The following LRRCC1 variants were observed in gnomAD, a reference collection of about 807,000 sequenced individuals.
LRRCC1 encodes leucine-rich repeat and coiled-coil domain-containing protein 1.
A neutral mutation model predicts 126.0 loss-of-function variants in LRRCC1; 115 were observed. That is an observed-to-expected ratio of 0.91 (90% CI 0.78 to 1.07). The LOEUF (loss-of-function observed/expected upper bound fraction) is 1.07. LRRCC1 is among the 50% of genes least tolerant of loss of function. The pLI is 0.00. For synonymous variants in LRRCC1, 400 were observed against 393.4 expected (o/e 1.02, Z -0.20); for missense variants, 1,172 against 1,175.7 (o/e 1.00, Z 0.05).
intron 18 of LRRCC1, among the ~76,000 whole-genome samples, chr8:85,143,060 C>T (rs1811372144): frequency 6.6e-6 from 1 of 152,062 alleles, no homozygotes; most frequent in Admixed American, 6.5e-5. Flanking sequence ...TGCAGTGTCT[C>T]ATGCCTGTAA....
chr8:85,142,316 G>A (rs1404975720), intron 18 of LRRCC1, among the ~76,000 whole-genome samples: 1 of 151,956 alleles, frequency 6.6e-6, no homozygotes, highest in East Asian at 1.9e-4. Context: ...CCATATTCAT[G>A]AACTTCCCCT....
At chr8:85,135,218 T>G (rs1810766632) in intron 13 of LRRCC1, among the ~76,000 whole-genome samples, 186 bp downstream of exon 13, 1 of 152,186 alleles carries the variant, frequency 6.6e-6, no homozygotes, top group Non-Finnish European at 1.5e-5. Flanking sequence ...GCTCATGAGA[T>G]AGCAATTAGG....
intron 13 of LRRCC1, 102 bp from the exon 14 acceptor site, chr8:85,135,687 T>G: frequency 1.4e-6 from 1 of 735,628 alleles, no homozygotes; most frequent in Non-Finnish European, 1.9e-6. Flanking sequence ...AATATTTACT[T>G]GTATTTGCTT....
chr8:85,139,013 T>TCCATGC (rs1811066372), intron 17 of LRRCC1, among the ~76,000 whole-genome samples: 4 of 151,536 alleles, frequency 2.6e-5, no homozygotes, highest in Non-Finnish European at 5.9e-5. Flanking sequence ...ACCATTGCAC[T>TCCATGC]CCAGCCTGGG....
Position 85,138,050 on chromosome 8 carries a change from G to C in LRRCC1, c.2509G>C (p.Asp837His). 4.5e-6 allele frequency: 7 copies of C among 1,561,394 alleles called. No homozygotes were observed. Among genetic ancestry groups the C allele is most frequent in the Non-Finnish European group, 6.1e-6 (7 of 1,154,200 alleles). ...TTTCTTAAAGTGTTTACAAGAAAAA[G>C]ATGAACACATCAAAAGATTACAAGA... is the stretch of plus-strand genomic sequence containing the variant. ...RKLKDCLQEK[D>H]EHIKRLQEKI... is the part of the protein sequence containing the mutation. The change falls in exon 16 of 19, where the codon GAT (aspartate) becomes CAT (histidine). Residue 837 changes from aspartate (D) to histidine (H), a missense_variant. Transcript: ENST00000360375.
intron 8 of LRRCC1, among the ~76,000 whole-genome samples, chr8:85,126,143 T>C (rs1439409285): frequency 6.6e-6 from 1 of 152,150 alleles, no homozygotes; most frequent in African/African-American, 2.4e-5. Context: ...GCTATGAGTA[T>C]ATACTATTTC....
intron 17 of LRRCC1, among the ~76,000 whole-genome samples, chr8:85,140,015 A>G (rs573716582): frequency 6.6e-6 from 1 of 152,174 alleles, no homozygotes; most frequent in African/African-American, 2.4e-5. Flanking sequence ...GCAATTTTTT[A>G]TCCTGCCAGT....
chr8:85,113,566 ATGTG>A (rs549238575), intron 4 of LRRCC1, among the ~76,000 whole-genome samples: 1 of 151,914 alleles, frequency 6.6e-6, no homozygotes, highest in South Asian at 2.1e-4. Flanking sequence ...GTATGCACGC[ATGTG>A]TGTGTGTGCT....
chr8:85,144,440 G>GTATATA (rs1280182264), intron 18 of LRRCC1, among the ~76,000 whole-genome samples: 16 of 37,226 alleles, frequency 4.3e-4, no homozygotes, highest in African/African-American at 1.3e-3. Context: ...GTGTGTGTGT[G>GTATATA]TGTGTATATA....
intron 9 of LRRCC1, among the ~76,000 whole-genome samples, chr8:85,127,216 G>T (rs985985569): frequency 1.3e-4 from 20 of 151,992 alleles, no homozygotes; most frequent in Non-Finnish European, 2.8e-4. Context: ...TCTGCAATGG[G>T]CTTTTGTATC....
At chr8:85,140,937 C>T (rs1275017811) in intron 17 of LRRCC1, among the ~76,000 whole-genome samples, 1 of 151,994 alleles carries the variant, frequency 6.6e-6, no homozygotes, top group Non-Finnish European at 1.5e-5. Flanking sequence ...TGGTGGTGCA[C>T]ATCCTGTAAT....
At chr8:85,125,460 T>C in intron 8 of LRRCC1, among the ~76,000 whole-genome samples, 1 of 150,530 alleles carries the variant, frequency 6.6e-6, no homozygotes, top group Admixed American at 6.6e-5. Flanking sequence ...GATCACGAGG[T>C]CAGGAGATCG....
chr8:85,109,741 A>G lies in LRRCC1; in HGVS notation c.251A>G (p.Asn84Ser). The change falls in exon 2 of 19, where the codon AAC (asparagine) becomes AGC (serine). Residue 84 changes from asparagine (N) to serine (S), a missense_variant. Transcript: ENST00000360375. Reference protein sequence around the residue: ...SNQISRIEGLNTLTKLCTLNL... With the variant: ...SNQISRIEGLSTLTKLCTLNL... Reference sequence around the variant, plus strand: ...CAAATAAGTAGAATTGAAGGACTAAACACACTGACAAAACTGTGCACATTA... The same window carrying G: ...CAAATAAGTAGAATTGAAGGACTAAGCACACTGACAAAACTGTGCACATTA... The G allele has an allele frequency of 6.2e-7, 1 of 1,603,168 alleles. No homozygotes were observed. The highest frequency in any genetic ancestry group is 8.5e-7 in the Non-Finnish European group (1 of 1,171,490).
chr8:85,130,352 C>T (rs993554081), intron 11 of LRRCC1, among the ~76,000 whole-genome samples: 5 of 151,580 alleles, frequency 3.3e-5, no homozygotes, highest in Middle Eastern at 3.4e-3. Flanking sequence ...CCATGTTAAC[C>T]AGGATGGTCT....
Position 85,109,590 on chromosome 8 carries a change from T to C in LRRCC1, c.105-5T>C. On this transcript the variant is annotated splice_polypyrimidine_tract_variant and splice_region_variant and intron_variant, in intron 1 of 18. Coordinates refer to ENST00000360375, the MANE Select transcript of LRRCC1 (RefSeq NM_033402.5). ...TATTTTTATAGTATATATTTTCTTT[T>C]ATAGCATATCAGAATTATCTTTAGA... 2 of 1,531,110 alleles carry C rather than the reference T, an allele frequency of 1.3e-6. No homozygotes were observed. Among genetic ancestry groups the C allele is most frequent in the Non-Finnish European group, 1.8e-6 (2 of 1,118,428 alleles). 94.8% of individuals were successfully genotyped at this position (1,531,110 alleles called of 1,614,324 possible).
At chr8:85,112,286 A>C (rs1047970285) in intron 3 of LRRCC1, among the ~76,000 whole-genome samples, 7 of 152,244 alleles carry the variant, frequency 4.6e-5, no homozygotes, top group Non-Finnish European at 1.0e-4. Context: ...AAAGACCTGT[A>C]CATGAACGTT....
rs1167489497 is a variant in LRRCC1 at position 85,138,129 on chromosome 8, C to T, written c.2588C>T (p.Ser863Leu). ...CAAGAACAACTTGATGAAAAATCTTCACAACTGGATGAGGTACTTGAGAAG... is the reference window on the plus strand; with the variant it reads ...CAAGAACAACTTGATGAAAAATCTTTACAACTGGATGAGGTACTTGAGAAG... ...CTQEQLDEKS[S>L]QLDEVLEKLE... is the part of the protein sequence containing the mutation. The change falls in exon 16 of 19, where the codon TCA becomes TTA. Residue 863 changes from serine to leucine, a missense_variant. Coordinates refer to ENST00000360375, the MANE Select transcript of LRRCC1 (RefSeq NM_033402.5). 2 of 1,608,650 alleles carry T rather than the reference C, an allele frequency of 1.2e-6. No homozygotes were observed. Among genetic ancestry groups the T allele is most frequent in the Admixed American group, 3.4e-5 (2 of 59,598 alleles).
At chr8:85,122,449 T>C (rs1343663837) in intron 6 of LRRCC1, among the ~76,000 whole-genome samples, 1 of 152,222 alleles carries the variant, frequency 6.6e-6, no homozygotes, top group Non-Finnish European at 1.5e-5. Context: ...ATTCTTCATA[T>C]CAAATAACTT....
intron 1 of LRRCC1, chr8:85,108,771 G>C (rs1808466152): frequency 6.6e-6 from 1 of 152,204 alleles, no homozygotes; most frequent in Non-Finnish European, 1.5e-5. Flanking sequence ...ACCTACAGCA[G>C]ATGCCCGTGA....
Sources: allele counts gnomAD v4.1 joint callset (sites outside exome capture counted in the v4.1 genomes callset), GRCh38; gene constraint gnomAD v4.1.1; transcripts MANE v1.5; gene names NCBI Gene and HGNC (gene_info 2026-07-23, HGNC 2026-07-21).